Variants in PPM1L observed in about 807,000 individuals in gnomAD.
PPM1L encodes the protein protein phosphatase 1L.
A neutral mutation model predicts 31.4 loss-of-function variants in PPM1L; 13 were observed. That is an observed-to-expected ratio of 0.41 (90% CI 0.27 to 0.66). The LOEUF is 0.66. Ranked by LOEUF, PPM1L falls within the 30% of genes least tolerant of loss-of-function variation. The pLI, the probability that PPM1L is intolerant of heterozygous loss-of-function variation, is 0.29. For synonymous variants in PPM1L, 184 were observed against 175.4 expected (o/e 1.05, Z -0.39); for missense variants, 326 against 453.7 (o/e 0.72, Z 2.56).
Position 160,786,127 on chromosome 3 carries a change from TTC to T in PPM1L, c.399+29450_399+29451del, listed in dbSNP as rs147384969. Among the ~76,000 whole-genome samples, 690 of 103,788 alleles carry T rather than the reference TTC, an allele frequency of 6.6e-3. 16 individuals are homozygous for T. The highest frequency in any genetic ancestry group is 0.019 in the African/African-American group (360 of 19,058). The allele number at this position is 103,788 out of a possible 152,430, so 68.1% of individuals were successfully genotyped here. A position where few individuals can be genotyped will look rare whatever the true frequency, so the allele number is the denominator to read the frequency against. The stretch of plus-strand genomic sequence containing the variant: ...GTTGGATAAAGATGGAATCTCATTT[TTC>T]TCTCTCTCTCTCTCTCTCTCTCTCT... On this transcript the variant is annotated intron_variant, in intron 1 of 3. Coordinates refer to ENST00000498165, the MANE Select transcript of PPM1L (RefSeq NM_139245.4).
intron 2 of PPM1L, among the ~76,000 whole-genome samples, chr3:160,965,953 A>G (rs1418903259): frequency 1.3e-5 from 2 of 152,098 alleles, no homozygotes; most frequent in Non-Finnish European, 2.9e-5. Flanking sequence ...ACATTTTTCT[A>G]AAATCATTGC....
At chr3:161,009,779 A>C (rs190498922) in intron 2 of PPM1L, among the ~76,000 whole-genome samples, 1 of 152,290 alleles carries the variant, frequency 6.6e-6, no homozygotes, top group Non-Finnish European at 1.5e-5. Flanking sequence ...GCTCAGGACC[A>C]GCTGTAAGTT....
At chr3:160,943,650 C>G (rs1159344340) in intron 1 of PPM1L, among the ~76,000 whole-genome samples, 1 of 152,146 alleles carries the variant, frequency 6.6e-6, no homozygotes. Context: ...TTTTGTACTG[C>G]TCTTGAAGGA....
intron 1 of PPM1L, among the ~76,000 whole-genome samples, chr3:160,957,780 G>A (rs1365818072): frequency 2.6e-5 from 4 of 152,008 alleles, no homozygotes; most frequent in African/African-American, 9.7e-5. Context: ...GTTTCACCAT[G>A]TTAGCCAGGA....
At chr3:160,785,829 A>G (rs1201536990) in intron 1 of PPM1L, among the ~76,000 whole-genome samples, 3 of 142,670 alleles carry the variant, frequency 2.1e-5, no homozygotes, top group Non-Finnish European at 1.5e-5. Flanking sequence ...ACAGCGGTGC[A>G]CTGTTTTTTT....
At chr3:160,840,197 G>A (rs1031981785) in intron 1 of PPM1L, among the ~76,000 whole-genome samples, 13 of 152,168 alleles carry the variant, frequency 8.5e-5, no homozygotes, top group Non-Finnish European at 1.3e-4. Flanking sequence ...CTTTTGGAAA[G>A]CATCGTGAAA....
At chr3:160,880,208 A>C (rs1254024927) in intron 1 of PPM1L, among the ~76,000 whole-genome samples, 7 of 152,166 alleles carry the variant, frequency 4.6e-5, no homozygotes, top group South Asian at 2.1e-4. Flanking sequence ...TTTATCTTTT[A>C]ACCATTACCT....
At chr3:161,054,644 G>C (rs906017194) in intron 2 of PPM1L, among the ~76,000 whole-genome samples, 2 of 152,252 alleles carry the variant, frequency 1.3e-5, no homozygotes, top group Admixed American at 6.5e-5. Flanking sequence ...CTGGCAACAG[G>C]CTAGGTGGGT....
intron 1 of PPM1L, among the ~76,000 whole-genome samples, chr3:160,901,986 A>T (rs760795535): frequency 2.6e-5 from 4 of 152,054 alleles, no homozygotes; most frequent in Admixed American, 1.3e-4. Flanking sequence ...TTTCAATGCT[A>T]TATTTCTTTT....
intron 1 of PPM1L, chr3:160,842,147 G>C (rs1713900994): frequency 1.2e-5 from 8 of 650,132 alleles, no homozygotes; most frequent in South Asian, 1.2e-4. Context: ...GATTTTGTGT[G>C]CGTGCATCCT....
chr3:161,003,919 G>C (rs1473443371), intron 2 of PPM1L, among the ~76,000 whole-genome samples: 12 of 150,012 alleles, frequency 8.0e-5, no homozygotes. Flanking sequence ...TCTTGTGCCC[G>C]TTTTCAAAGG....
chr3:161,075,127 A>G lies in PPM1L; in HGVS notation c.*5970A>G, dbSNP rs563514899. On this transcript the variant is annotated 3_prime_UTR_variant, in exon 4 of 4. Transcript: ENST00000498165. ...GCCACTTCAGGAGAGGGATTGTATC[A>G]GCTCTCATTACCTTTTGTCATGAGG... The G allele has an allele frequency of 6.6e-6, 1 of 152,302 alleles. No homozygotes were observed. The highest frequency in any genetic ancestry group is 1.5e-5 in the Non-Finnish European group (1 of 68,034). The allele number at this position is 152,302 out of a possible 1,614,324, so 9.4% of individuals were successfully genotyped here.
intron 1 of PPM1L, among the ~76,000 whole-genome samples, chr3:160,877,074 T>C (rs1053418140): frequency 6.6e-6 from 1 of 152,184 alleles, no homozygotes; most frequent in East Asian, 1.9e-4. Context: ...TTGCATTTTT[T>C]AAAAAGTCTA....
At position 161,014,436 on chromosome 3, in the gene PPM1L, G is replaced by A. The variant is rs577371168; in HGVS notation, c.575-50967G>A. On this transcript the variant is annotated intron_variant, in intron 2 of 3. Coordinates refer to ENST00000498165, the MANE Select transcript of PPM1L (RefSeq NM_139245.4). Reference sequence around the variant, plus strand: ...TTTAGGGAATAGACTGACACTGTCAGCTCATACTGCCAAATATCCCTTTTT... The same window carrying A: ...TTTAGGGAATAGACTGACACTGTCAACTCATACTGCCAAATATCCCTTTTT... Among the ~76,000 whole-genome samples, 3 of 150,180 alleles carry A rather than the reference G, an allele frequency of 2.0e-5. 1 individual carries two copies. The highest frequency in any genetic ancestry group is 7.3e-5 in the African/African-American group (3 of 40,968).
At chr3:160,954,956 C>CTTCCTTCCTTCCTTCCTTCCTTCCTTCCT (rs1553749482) in intron 1 of PPM1L, among the ~76,000 whole-genome samples, 2 of 77,434 alleles carry the variant, frequency 2.6e-5, no homozygotes, top group African/African-American at 1.3e-4. Flanking sequence ...TCCTTCCTTC[C>CTTCCTTCCTTCCTTCCTTCCTTCCTTCCT]TTCCTTTCCT....
chr3:160,766,520 C>G (rs1376596282), intron 1 of PPM1L, among the ~76,000 whole-genome samples: 1 of 152,142 alleles, frequency 6.6e-6, no homozygotes, highest in African/African-American at 2.4e-5. Context: ...TTCTCATTCT[C>G]TCTCCTGCCA....
chr3:160,866,010 G>GT (rs1317361274), intron 1 of PPM1L, among the ~76,000 whole-genome samples: 2 of 152,138 alleles, frequency 1.3e-5, no homozygotes, highest in Non-Finnish European at 2.9e-5. Flanking sequence ...GTAGTTTTGT[G>GT]TATCTGTCAA....
chr3:160,935,885 A>G (rs766350810), intron 1 of PPM1L, among the ~76,000 whole-genome samples: 57 of 152,190 alleles, frequency 3.7e-4, no homozygotes, highest in Non-Finnish European at 7.5e-4. Flanking sequence ...AAAGCTGGCA[A>G]TCCCAGCTGC....
At chr3:160,821,996 G>GTCT (rs1233278169) in intron 1 of PPM1L, among the ~76,000 whole-genome samples, 1 of 151,904 alleles carries the variant, frequency 6.6e-6, no homozygotes, top group African/African-American at 2.4e-5. Context: ...CAGAACTAAG[G>GTCT]TCTTCTGGTT....
Sources: allele counts gnomAD v4.1 joint callset (sites outside exome capture counted in the v4.1 genomes callset), GRCh38; gene constraint gnomAD v4.1.1; transcripts MANE v1.5; gene names NCBI Gene and HGNC (gene_info 2026-07-23, HGNC 2026-07-21).